DENND1B: variants seen among roughly 807,000 people sequenced by gnomAD.
DENND1B encodes the protein DENN domain-containing protein 1B.
A neutral mutation model predicts 90.1 loss-of-function variants in DENND1B; 59 were observed. The observed-to-expected ratio is 0.65, with a 90% CI of 0.53 to 0.81. The LOEUF (loss-of-function observed/expected upper bound fraction) is 0.81, where lower values mean the gene tolerates loss of function less well. DENND1B is among the 40% of genes least tolerant of loss of function. The pLI, the probability that DENND1B is intolerant of heterozygous loss-of-function variation, is 0.00. For missense variants in DENND1B, 862 were observed against 912.6 expected, an observed-to-expected ratio of 0.94 and a Z score of 0.71; for synonymous variants, 337 against 324.6, an observed-to-expected ratio of 1.04 and a Z score of -0.41.
chr1:197,655,532 CTT>C (rs766590749), intron 6 of DENND1B, among the ~76,000 whole-genome samples: 23 of 142,194 alleles, frequency 1.6e-4, no homozygotes, highest in African/African-American at 3.3e-4. Context: ...GCTACATTAA[CTT>C]TTTTTTTTTT....
chr1:197,764,405 A>G (rs1445415803), intron 2 of DENND1B, among the ~76,000 whole-genome samples: 2 of 152,336 alleles, frequency 1.3e-5, no homozygotes, highest in South Asian at 2.1e-4. Flanking sequence ...GAGAAAATAA[A>G]TTGAAAAATA....
intron 2 of DENND1B, among the ~76,000 whole-genome samples, chr1:197,719,703 T>C (rs1288067906): frequency 2.6e-5 from 4 of 151,976 alleles, no homozygotes; most frequent in Admixed American, 6.6e-5. Flanking sequence ...TCTGTCGGGG[T>C]GAGGTTTCTG....
chr1:197,735,446 T>C (rs750832478), intron 2 of DENND1B: 30 of 1,484,850 alleles, frequency 2.0e-5, no homozygotes, highest in Non-Finnish European at 2.6e-5. Context: ...CTACTTCTCA[T>C]GGGTTCTCGG....
At chr1:197,754,659 C>CAAAAAAAAA (rs57926782) in intron 2 of DENND1B, among the ~76,000 whole-genome samples, 766 of 72,864 alleles carry the variant, frequency 0.011, 84 homozygotes, top group African/African-American at 0.013. Flanking sequence ...GACTCTGTCT[C>CAAAAAAAAA]AAAAAAAAAA....
At chr1:197,591,133 G>A (rs1020476997) in intron 14 of DENND1B, among the ~76,000 whole-genome samples, 1 of 152,066 alleles carries the variant, frequency 6.6e-6, no homozygotes, top group Non-Finnish European at 1.5e-5. Flanking sequence ...ATTTTCAATA[G>A]TTATCTCCCA....
intron 2 of DENND1B, among the ~76,000 whole-genome samples, chr1:197,765,908 T>G (rs1044424172): frequency 2.6e-5 from 4 of 152,196 alleles, no homozygotes; most frequent in Admixed American, 2.0e-4. Context: ...ACAGTGAAAT[T>G]TGATTTGCTT....
intron 3 of DENND1B, among the ~76,000 whole-genome samples, chr1:197,698,700 C>A (rs1482889034): frequency 6.6e-6 from 1 of 151,538 alleles, no homozygotes; most frequent in Non-Finnish European, 1.5e-5. Flanking sequence ...AAGAATCATA[C>A]AGACACAATG....
At chr1:197,681,637 C>T (rs1488371087) in intron 3 of DENND1B, among the ~76,000 whole-genome samples, 1 of 152,114 alleles carries the variant, frequency 6.6e-6, no homozygotes, top group African/African-American at 2.4e-5. Context: ...TAAAGATAAC[C>T]TTAGAGAACA....
intron 15 of DENND1B, among the ~76,000 whole-genome samples, chr1:197,575,070 A>G (rs988702340): frequency 3.9e-5 from 6 of 152,314 alleles, no homozygotes; most frequent in Admixed American, 3.9e-4. Flanking sequence ...AATGGCAACA[A>G]AAGCCAAAAT....
At chr1:197,645,842 A>G in intron 8 of DENND1B, 99 bp from the exon 9 acceptor site, 1 of 744,610 alleles carries the variant, frequency 1.3e-6, no homozygotes, top group Non-Finnish European at 2.1e-6. Flanking sequence ...AGTAAATTAA[A>G]AAATGCCATG....
intron 15 of DENND1B, among the ~76,000 whole-genome samples, chr1:197,581,402 TATTTTTTA>T (rs1674227093): frequency 6.6e-6 from 1 of 152,222 alleles, no homozygotes; most frequent in Non-Finnish European, 1.5e-5. Flanking sequence ...GAACAAACTG[TATTTTTTA>T]AAAGTCCTAC....
At chr1:197,636,587 C>A (rs1323455029) in intron 10 of DENND1B, among the ~76,000 whole-genome samples, 1 of 152,134 alleles carries the variant, frequency 6.6e-6, no homozygotes, top group Non-Finnish European at 1.5e-5. Flanking sequence ...ACTGTACCTA[C>A]CACATAATAC....
At chr1:197,742,288 G>A (rs1047509333) in intron 2 of DENND1B, among the ~76,000 whole-genome samples, 2 of 151,904 alleles carry the variant, frequency 1.3e-5, no homozygotes, top group Admixed American at 6.6e-5. Context: ...TAATATCAAG[G>A]GACAGAATTT....
At chr1:197,777,950 A>G (rs569538821), upstream of DENND1B, among the ~76,000 whole-genome samples, 267 of 152,266 alleles carry the variant, frequency 1.8e-3, 1 homozygote, top group Middle Eastern at 6.8e-3. Flanking sequence ...GACATCTTCT[A>G]TTACTGAATT....
chr1:197,583,858 A>G (rs1674462908), intron 14 of DENND1B, among the ~76,000 whole-genome samples: 1 of 152,194 alleles, frequency 6.6e-6, no homozygotes, highest in South Asian at 2.1e-4. Flanking sequence ...CAAACCAGCA[A>G]GGACTTAAAT....
chr1:197,615,578 T>A (rs971901599), intron 11 of DENND1B, among the ~76,000 whole-genome samples: 1 of 151,046 alleles, frequency 6.6e-6, no homozygotes, highest in Admixed American at 6.6e-5. Context: ...GAAGGGATGA[T>A]CTGTAATTTT....
At position 197,630,813 on chromosome 1, in the gene DENND1B, G is replaced by A. The variant is rs567440059; in HGVS notation, c.672+11898C>T. On this transcript the variant is annotated intron_variant, in intron 10 of 22. Transcript: ENST00000620048. ...AGCCAGCAAGTGGGGCACCAAACCT[G>A]TGCCAGACATTATTATTAGTGGTGA... 7.2e-5 allele frequency among the ~76,000 whole-genome samples: 11 copies of A among 152,214 alleles called. 2 individuals are homozygous for A. Among genetic ancestry groups the A allele is most frequent in the East Asian group, 5.8e-4 (3 of 5,174 alleles).
At chr1:197,616,663 T>C (rs1677676744) in intron 11 of DENND1B, among the ~76,000 whole-genome samples, 1 of 151,210 alleles carries the variant, frequency 6.6e-6, no homozygotes, top group South Asian at 2.1e-4. Flanking sequence ...AGAAACCCTC[T>C]GTGTATGAAC....
At chr1:197,628,275 A>C (rs770380656) in intron 10 of DENND1B, among the ~76,000 whole-genome samples, 1 of 152,196 alleles carries the variant, frequency 6.6e-6, no homozygotes, top group Non-Finnish European at 1.5e-5. Flanking sequence ...ACTTCAAACT[A>C]TACTACAAGG....
Sources: allele counts gnomAD v4.1 joint callset (sites outside exome capture counted in the v4.1 genomes callset), GRCh38; gene constraint gnomAD v4.1.1; transcripts MANE v1.5; gene names NCBI Gene and HGNC (gene_info 2026-07-23, HGNC 2026-07-21).